WDR72: variants seen among roughly 807,000 people sequenced by gnomAD.
The protein encoded by WDR72 is WD repeat-containing protein 72.
WDR72 carries 120 observed loss-of-function variants against 124.2 expected under a neutral mutation model. The observed-to-expected ratio is 0.97, with a 90% confidence interval of 0.83 to 1.12. The LOEUF (loss-of-function observed/expected upper bound fraction) is 1.12, where lower values mean the gene tolerates loss of function less well. Ranked by LOEUF, WDR72 falls within the 50% of genes most tolerant of loss-of-function variation. The probability of loss-of-function intolerance (pLI) is 0.00; values close to 1 mark genes in which losing one functional copy is unlikely to be tolerated. For synonymous variants in WDR72, 452 were observed against 441.7 expected (o/e 1.02, Z -0.29); for missense variants, 1,387 against 1,278.8 (o/e 1.08, Z -1.29).
chr15:53,665,637 A>G lies in WDR72; in HGVS notation c.1897T>C (p.Ser633Pro). The change falls in exon 14 of 20, where the codon TCC becomes CCC. Residue 633 changes from serine to proline, a missense_variant. Transcript: ENST00000360509. ...GGCCCAAGCTGGTAGGGGCTGGAGG[A>G]TCTCTGTTCTATACTTTTGTGCTTA... ...TLKHKSIEQR[S>P]SSPYQLGPLP... The G allele has an allele frequency of 6.2e-7, 1 of 1,613,842 alleles. No homozygotes were observed. The highest frequency in any genetic ancestry group is 2.2e-5 in the East Asian group (1 of 44,870).
chr15:53,682,745 C>T (rs1348014912), intron 13 of WDR72, among the ~76,000 whole-genome samples: 2 of 152,158 alleles, frequency 1.3e-5, no homozygotes, highest in Non-Finnish European at 2.9e-5. Flanking sequence ...TTCCTGTCTT[C>T]TTCTGAGCCC....
intron 19 of WDR72, among the ~76,000 whole-genome samples, chr15:53,519,124 G>A (rs1566937687): frequency 6.6e-6 from 1 of 152,006 alleles, no homozygotes; most frequent in Non-Finnish European, 1.5e-5. Context: ...GGTGACAAAG[G>A]CTTAAGGTTT....
intron 13 of WDR72, among the ~76,000 whole-genome samples, chr15:53,684,875 G>T (rs1444033692): frequency 1.3e-5 from 2 of 152,232 alleles, no homozygotes; most frequent in African/African-American, 4.8e-5. Flanking sequence ...AGAAGGGCCA[G>T]ACTGCCTCCT....
At chr15:53,695,049 G>T (rs1413921459) in intron 13 of WDR72, among the ~76,000 whole-genome samples, 4 of 152,140 alleles carry the variant, frequency 2.6e-5, no homozygotes, top group African/African-American at 9.7e-5. Flanking sequence ...CCACAAAGCA[G>T]AAAACATTTA....
intron 2 of WDR72, among the ~76,000 whole-genome samples, chr15:53,730,832 A>G (rs2018179731): frequency 6.6e-6 from 1 of 152,130 alleles, no homozygotes; most frequent in Admixed American, 6.6e-5. Context: ...TAACCCATTA[A>G]TCTACTCACT....
At chr15:53,736,202 A>T in intron 1 of WDR72, among the ~76,000 whole-genome samples, 1 of 152,228 alleles carries the variant, frequency 6.6e-6, no homozygotes, top group East Asian at 1.9e-4. Flanking sequence ...TTGCTAATTC[A>T]GTCCTAAAGC....
chr15:53,652,869 C>T (rs2015290302), intron 14 of WDR72, among the ~76,000 whole-genome samples: 1 of 152,090 alleles, frequency 6.6e-6, no homozygotes, highest in Non-Finnish European at 1.5e-5. Flanking sequence ...ATCATTTCTC[C>T]CTAATATGCT....
intron 18 of WDR72, among the ~76,000 whole-genome samples, chr15:53,546,729 C>A (rs1285403162): frequency 9.3e-6 from 1 of 107,970 alleles, no homozygotes; most frequent in African/African-American, 2.7e-5. Context: ...ATCAATAAAA[C>A]AAACAAACCA....
At chr15:53,582,054 A>C (rs2011956790) in intron 18 of WDR72, among the ~76,000 whole-genome samples, 1 of 151,984 alleles carries the variant, frequency 6.6e-6, no homozygotes, top group African/African-American at 2.4e-5. Context: ...AAAATGACTT[A>C]TGATGCCTTC....
intron 18 of WDR72, among the ~76,000 whole-genome samples, chr15:53,574,097 G>C (rs1320082030): frequency 6.6e-6 from 1 of 151,974 alleles, no homozygotes; most frequent in African/African-American, 2.4e-5. Context: ...TGTATGACAG[G>C]GAATCTTCTA....
intron 18 of WDR72, among the ~76,000 whole-genome samples, chr15:53,548,623 C>T (rs886284454): frequency 4.0e-5 from 6 of 149,374 alleles, no homozygotes; most frequent in African/African-American, 1.5e-4. Flanking sequence ...TAATGATTTT[C>T]TGACCATGTC....
At chr15:53,690,292 T>C (rs1349935693) in intron 13 of WDR72, among the ~76,000 whole-genome samples, 1 of 152,190 alleles carries the variant, frequency 6.6e-6, no homozygotes, top group African/African-American at 2.4e-5. Context: ...TGATGTAACA[T>C]TGACATAATA....
chr15:53,575,893 GC>G (rs1894737698), intron 18 of WDR72, among the ~76,000 whole-genome samples: 2 of 152,216 alleles, frequency 1.3e-5, no homozygotes, highest in East Asian at 3.9e-4. Context: ...GGTAGAACTG[GC>G]AGTCAACAAC....
chr15:53,676,735 G>A (rs763987538), intron 13 of WDR72, among the ~76,000 whole-genome samples: 1 of 152,112 alleles, frequency 6.6e-6, no homozygotes, highest in Non-Finnish European at 1.5e-5. Flanking sequence ...AGTTTGCCTG[G>A]ACTTCTAATT....
At chr15:53,550,488 G>A (rs1893685798) in intron 18 of WDR72, among the ~76,000 whole-genome samples, 1 of 152,156 alleles carries the variant, frequency 6.6e-6, no homozygotes, top group African/African-American at 2.4e-5. Flanking sequence ...GAGCTTATCA[G>A]AATCTCTGAG....
intron 18 of WDR72, among the ~76,000 whole-genome samples, chr15:53,570,601 G>A (rs1444432196): frequency 6.6e-6 from 1 of 152,084 alleles, no homozygotes; most frequent in Non-Finnish European, 1.5e-5. Context: ...TTGCCAGGTT[G>A]TGGAGAAAAA....
intron 18 of WDR72, among the ~76,000 whole-genome samples, chr15:53,571,423 G>C (rs1430857661): frequency 6.6e-6 from 1 of 151,906 alleles, no homozygotes; most frequent in Non-Finnish European, 1.5e-5. Flanking sequence ...CTCTGCTTCT[G>C]TGAGTTCAAC....
intron 18 of WDR72, among the ~76,000 whole-genome samples, chr15:53,532,459 C>T (rs964315517): frequency 2.0e-5 from 3 of 151,998 alleles, no homozygotes; most frequent in African/African-American, 7.2e-5. Context: ...ATTATTCAGT[C>T]ATAAAAAGAA....
chr15:53,730,702 AG>A (rs1310329380), intron 2 of WDR72, among the ~76,000 whole-genome samples: 3 of 152,254 alleles, frequency 2.0e-5, no homozygotes, highest in Non-Finnish European at 4.4e-5. Context: ...TCAACCATGT[AG>A]TTACATCCTT....
Sources: gnomAD v4.1 joint callset for allele counts (sites outside exome capture counted in the v4.1 genomes callset) on GRCh38, gnomAD v4.1.1 for gene constraint, MANE v1.5 for transcripts, NCBI Gene and HGNC (gene_info 2026-07-23, HGNC 2026-07-21) for gene names.